The following OXR1 variants were observed in gnomAD, a reference collection of about 807,000 sequenced individuals.
The protein encoded by OXR1 is oxidation resistance 1.
In OXR1, 41 loss-of-function variants were observed where a neutral mutation model predicts 104.6. That is an observed-to-expected ratio of 0.39 (90% CI 0.31 to 0.51). OXR1 has a LOEUF of 0.51. Among genes scored for constraint, OXR1 ranks in the 20% least tolerant of loss-of-function variants. OXR1 has a pLI of 0.77. For synonymous variants in OXR1, 348 were observed against 348.4 expected (o/e 1.00, Z 0.01); for missense variants, 955 against 1,031.9 (o/e 0.93, Z 1.02).
At chr8:106,495,422 A>G (rs74619068) in intron 2 of OXR1, among the ~76,000 whole-genome samples, 8,196 of 152,006 alleles carry the variant, frequency 0.054, 286 homozygotes, top group African/African-American at 0.092. Context: ...ATGTAGTGGG[A>G]TAATTTTCTG....
At chr8:106,504,118 G>A (rs946608535) in intron 2 of OXR1, among the ~76,000 whole-genome samples, 1 of 152,118 alleles carries the variant, frequency 6.6e-6, no homozygotes, top group African/African-American at 2.4e-5. Flanking sequence ...CAGATGTTGG[G>A]GAACACAAAG....
chr8:106,385,087 C>T (rs1817321718), intron 2 of OXR1, among the ~76,000 whole-genome samples: 1 of 152,162 alleles, frequency 6.6e-6, no homozygotes, highest in Admixed American at 6.5e-5. Flanking sequence ...CCAGTCTAGA[C>T]TCTTGCTTTT....
intron 3 of OXR1, among the ~76,000 whole-genome samples, chr8:106,624,937 A>C (rs1479769756): frequency 3.3e-5 from 5 of 152,036 alleles, no homozygotes; most frequent in South Asian, 2.1e-4. Flanking sequence ...GACTTCAGGC[A>C]TGTGCCACTA....
At chr8:106,554,951 T>C (rs1439369468) in intron 3 of OXR1, among the ~76,000 whole-genome samples, 1 of 152,184 alleles carries the variant, frequency 6.6e-6, no homozygotes, top group African/African-American at 2.4e-5. Flanking sequence ...AGGATATCTA[T>C]ATAGTAAAAT....
At chr8:106,420,691 C>G (rs1466565961) in intron 2 of OXR1, among the ~76,000 whole-genome samples, 1 of 151,196 alleles carries the variant, frequency 6.6e-6, no homozygotes, top group Non-Finnish European at 1.5e-5. Context: ...GGAATGTTCT[C>G]AAGTCAAAGA....
chr8:106,552,216 A>G (rs151200210), intron 3 of OXR1, among the ~76,000 whole-genome samples: 3 of 152,236 alleles, frequency 2.0e-5, no homozygotes, highest in African/African-American at 7.2e-5. Flanking sequence ...TACCTCTGGT[A>G]AAAGCTGCCA....
intron 3 of OXR1, among the ~76,000 whole-genome samples, chr8:106,640,149 T>G (rs1823504339): frequency 6.6e-6 from 1 of 152,156 alleles, no homozygotes; most frequent in Admixed American, 6.5e-5. Flanking sequence ...TCAGAACTGA[T>G]GTGTATACTT....
At chr8:106,362,041 C>A (rs1816268651) in intron 2 of OXR1, among the ~76,000 whole-genome samples, 1 of 152,130 alleles carries the variant, frequency 6.6e-6, no homozygotes, top group Admixed American at 6.6e-5. Flanking sequence ...ATACACCTGT[C>A]AATAGAGGAT....
At chr8:106,535,150 A>G (rs1814396539) in intron 3 of OXR1, among the ~76,000 whole-genome samples, 1 of 152,094 alleles carries the variant, frequency 6.6e-6, no homozygotes, top group African/African-American at 2.4e-5. Flanking sequence ...TTTTTAGTAG[A>G]GACGGGGTTT....
chr8:106,361,941 A>C (rs918758600), intron 2 of OXR1, among the ~76,000 whole-genome samples: 3 of 152,214 alleles, frequency 2.0e-5, no homozygotes, highest in African/African-American at 7.2e-5. Context: ...AATCTAAATC[A>C]GAAGTTTGGC....
At chr8:106,620,843 T>A (rs74324985) in intron 3 of OXR1, among the ~76,000 whole-genome samples, 4,407 of 152,122 alleles carry the variant, frequency 0.029, 220 homozygotes, top group African/African-American at 0.1. Flanking sequence ...ATAGTGAAAA[T>A]GAAATGTGTA....
intron 3 of OXR1, among the ~76,000 whole-genome samples, chr8:106,519,680 G>C (rs1421881346): frequency 6.6e-6 from 1 of 152,126 alleles, no homozygotes; most frequent in Admixed American, 6.6e-5. Flanking sequence ...CTTGCACCTT[G>C]CTTTACTTTG....
intron 2 of OXR1, among the ~76,000 whole-genome samples, chr8:106,405,179 TA>T: frequency 4.1e-5 from 1 of 24,576 alleles, no homozygotes; most frequent in Admixed American, 4.3e-4. Flanking sequence ...TATATATATA[TA>T]TATATATATA....
At chr8:106,688,305 CAT>C (rs1181019564) in intron 6 of OXR1, among the ~76,000 whole-genome samples, 2 of 151,788 alleles carry the variant, frequency 1.3e-5, no homozygotes, top group African/African-American at 4.8e-5. Context: ...TGCAGATAGT[CAT>C]ATTCTCTTTA....
chr8:106,737,061 A>G (rs1316754011), intron 11 of OXR1, among the ~76,000 whole-genome samples: 1 of 151,998 alleles, frequency 6.6e-6, no homozygotes, highest in Non-Finnish European at 1.5e-5. Context: ...TATGTTTGTC[A>G]CCTGTGCCTA....
intron 3 of OXR1, among the ~76,000 whole-genome samples, chr8:106,604,421 G>A (rs914396213): frequency 1.3e-4 from 20 of 152,168 alleles, no homozygotes; most frequent in African/African-American, 4.6e-4. Flanking sequence ...CTCCCAAAGT[G>A]CTGGGATTAC....
At chr8:106,528,542 A>T (rs1813858681) in intron 3 of OXR1, among the ~76,000 whole-genome samples, 1 of 152,240 alleles carries the variant, frequency 6.6e-6, no homozygotes, top group Non-Finnish European at 1.5e-5. Flanking sequence ...GGCAAAATTA[A>T]AACAGTAATA....
At position 106,327,241 on chromosome 8, in the gene OXR1, A is replaced by T. The variant is rs934669714; in HGVS notation, c.-138-32235A>T. Among the ~76,000 whole-genome samples, 6 of 152,204 alleles carry T rather than the reference A, an allele frequency of 3.9e-5. No individual in the cohort carries two copies. The East Asian group carries it at 1.2e-3, about 29-fold the overall frequency. On this transcript the variant is annotated intron_variant, in intron 1 of 16. Coordinates refer to ENST00000517566, the MANE Select transcript of OXR1 (RefSeq NM_001198533.2). ...ATGAACTACTTTGTGGAGATTAAAA[A>T]TATAGTGAGCAATTTTATGTCCTTT...
chr8:106,643,731 A>C (rs1324586506), intron 3 of OXR1, among the ~76,000 whole-genome samples: 1 of 152,100 alleles, frequency 6.6e-6, no homozygotes, highest in Non-Finnish European at 1.5e-5. Context: ...CCCATGGGCA[A>C]ACCCTGCGTT....
Sources: gnomAD v4.1 joint callset for allele counts (sites outside exome capture counted in the v4.1 genomes callset) on GRCh38, gnomAD v4.1.1 for gene constraint, MANE v1.5 for transcripts, NCBI Gene and HGNC (gene_info 2026-07-23, HGNC 2026-07-21) for gene names.